Variants in CREB3L2 observed in about 807,000 individuals in gnomAD.
CREB3L2 encodes cyclic AMP-responsive element-binding protein 3-like protein 2.
In CREB3L2, 23 loss-of-function variants were observed where a neutral mutation model predicts 57.2. The ratio of observed to expected loss-of-function variants is 0.40; its 90% CI spans 0.29 to 0.57. CREB3L2 has a LOEUF of 0.57. Ranked by LOEUF, CREB3L2 falls within the 20% of genes least tolerant of loss-of-function variation. CREB3L2 has a pLI of 0.42. For synonymous variants in CREB3L2, 268 were observed against 265.1 expected, an observed-to-expected ratio of 1.01 and a Z score of -0.11; for missense variants, 628 against 634.7, an observed-to-expected ratio of 0.99 and a Z score of 0.11.
chr7:137,956,785 GAGTT>G, intron 1 of CREB3L2: 1 of 447,452 alleles, frequency 2.2e-6, no homozygotes, highest in Non-Finnish European at 4.2e-6. Context: ...CCACCTAAAA[GAGTT>G]AGACCATTCA....
chr7:137,887,646 T>C (rs182348551), intron 8 of CREB3L2, among the ~76,000 whole-genome samples: 106 of 151,982 alleles, frequency 7.0e-4, no homozygotes, highest in Non-Finnish European at 1.2e-3. Context: ...GAGGCAGAGG[T>C]TGTAGTAAGC....
At chr7:137,899,383 T>C (rs1177553468) in intron 8 of CREB3L2, among the ~76,000 whole-genome samples, 1 of 152,074 alleles carries the variant, frequency 6.6e-6, no homozygotes, top group South Asian at 2.1e-4. Flanking sequence ...CTTCCCCTTT[T>C]CGCCAATTCT....
chr7:137,934,794 A>C (rs903112023), intron 1 of CREB3L2, among the ~76,000 whole-genome samples: 11 of 152,254 alleles, frequency 7.2e-5, no homozygotes, highest in Admixed American at 7.2e-4. Flanking sequence ...AAAGGATTCA[A>C]GCAACATCAC....
chr7:137,943,987 A>G (rs898826618), intron 1 of CREB3L2, among the ~76,000 whole-genome samples: 1 of 152,132 alleles, frequency 6.6e-6, no homozygotes, highest in Non-Finnish European at 1.5e-5. Flanking sequence ...CTGTGTCAAA[A>G]ACTTCTCTTC....
At chr7:137,986,300 C>T (rs1236380428) in intron 1 of CREB3L2, among the ~76,000 whole-genome samples, 5 of 152,202 alleles carry the variant, frequency 3.3e-5, no homozygotes, top group Non-Finnish European at 7.3e-5. Flanking sequence ...ACGGTGTTTC[C>T]ATTTTGTTAG....
chr7:137,955,540 A>G (rs544690085), intron 1 of CREB3L2, among the ~76,000 whole-genome samples: 12 of 152,224 alleles, frequency 7.9e-5, no homozygotes, highest in Admixed American at 2.6e-4. Flanking sequence ...TCTAATTGGA[A>G]GATAATCTGA....
intron 1 of CREB3L2, among the ~76,000 whole-genome samples, chr7:137,933,013 G>A (rs1270537820): frequency 6.6e-6 from 1 of 152,146 alleles, no homozygotes; most frequent in Non-Finnish European, 1.5e-5. Context: ...CACACTCTGG[G>A]CAGCAAGGAG....
rs554088482 is a variant in CREB3L2 at position 137,922,221 on chromosome 7, A to T, written c.319+5929T>A. Among the ~76,000 whole-genome samples, 52 of 150,958 alleles carry T rather than the reference A, an allele frequency of 3.4e-4. 1 individual carries two copies. The highest frequency in any genetic ancestry group is 1.1e-3 in the African/African-American group (47 of 41,020). ...CCATTCAGCCACTTTTCCTTTAAATACTCAAGTCCTCAAAGTCATCTTTGG... is the reference window on the plus strand; with the variant it reads ...CCATTCAGCCACTTTTCCTTTAAATTCTCAAGTCCTCAAAGTCATCTTTGG... On this transcript the variant is annotated intron_variant, in intron 2 of 11. Transcript: ENST00000330387.
rs553596345 is a variant in CREB3L2, at chr7:137,927,403, GAAGGGA to G, written c.319+741_319+746del. On this transcript the variant is annotated intron_variant, in intron 2 of 11. Transcript: ENST00000330387. ...GAAGGAAGGGAGGGAAGGAGGGAAGGAAGGGAAGGGAAGGGAAGCAAGGGAGGGAGG... is the reference window on the plus strand; with the variant it reads ...GAAGGAAGGGAGGGAAGGAGGGAAGGAGGGAAGGGAAGCAAGGGAGGGAGG... Among the ~76,000 whole-genome samples, 442 of 128,898 alleles carry G rather than the reference GAAGGGA, an allele frequency of 3.4e-3. 5 individuals are homozygous for G. The highest frequency in any genetic ancestry group is 0.016 in the African/African-American group (418 of 25,424). The allele number at this position is 128,898 out of a possible 152,430, so 84.6% of individuals were successfully genotyped here.
At chr7:137,913,511 AAAAAAAAAAAGAAAAAAG>A (rs906617357) in intron 3 of CREB3L2, among the ~76,000 whole-genome samples, 5 of 151,502 alleles carry the variant, frequency 3.3e-5, no homozygotes, top group African/African-American at 9.7e-5. Flanking sequence ...TATCTCAAAA[AAAAAAAAAAAGAAAAAAG>A]AAAAAAAAAG....
rs531697398 is a variant in CREB3L2 at position 137,948,745 on chromosome 7, C to G, written c.103-20379G>C. Among the ~76,000 whole-genome samples, 3 of 152,140 alleles carry G rather than the reference C, an allele frequency of 2.0e-5. No individual in the cohort carries two copies. The East Asian group carries it at 5.8e-4, about 29-fold the overall frequency. On this transcript the variant is annotated intron_variant, in intron 1 of 11. Transcript: ENST00000330387. ...TAACTGAAGAATAGCCTCATGAAAA[C>G]GAATTGACCATTCCTATCCAGTTAT...
Position 137,876,551 on chromosome 7 carries a change from A to G in CREB3L2, c.*3925T>C, listed in dbSNP as rs951675126. 2 of 232,996 alleles carry G rather than the reference A, an allele frequency of 8.6e-6. No homozygotes were observed. The highest frequency in any genetic ancestry group is 1.7e-5 in the Non-Finnish European group (2 of 118,038). The allele number at this position is 232,996 out of a possible 1,614,324, so 14.4% of individuals were successfully genotyped here. ...AGTGAGTGAATGAACGAAACATCTAAGTCTTGTCTCTGGATCCTTCACAGC... is the reference window on the plus strand; with the variant it reads ...AGTGAGTGAATGAACGAAACATCTAGGTCTTGTCTCTGGATCCTTCACAGC... On this transcript the variant is annotated 3_prime_UTR_variant, in exon 12 of 12. Transcript: ENST00000330387.
At chr7:137,905,354 T>C (rs1488479976) in intron 6 of CREB3L2, among the ~76,000 whole-genome samples, 1 of 148,564 alleles carries the variant, frequency 6.7e-6, no homozygotes, top group East Asian at 2.0e-4. Flanking sequence ...GAGGAAACTA[T>C]TGTATATATC....
rs113525082 is a variant in CREB3L2 at position 137,877,275 on chromosome 7, C to A, written c.*3201G>T. 6,663 of 225,798 alleles carry A rather than the reference C, an allele frequency of 0.03. 113 individuals are homozygous for A. The highest frequency in any genetic ancestry group is 0.038 in the Non-Finnish European group (4,340 of 113,370). 14.0% of individuals were successfully genotyped at this position (225,798 alleles called of 1,614,324 possible). Reference sequence around the variant, plus strand: ...ACAAATTAGGCCTCCAAATCAAAATCATTTATATTAACCAAAAGGTTATCT... The same window carrying A: ...ACAAATTAGGCCTCCAAATCAAAATAATTTATATTAACCAAAAGGTTATCT... On this transcript the variant is annotated 3_prime_UTR_variant, in exon 12 of 12. Coordinates refer to ENST00000330387, the MANE Select transcript of CREB3L2 (RefSeq NM_194071.4).
At chr7:137,895,152 G>A (rs1799601928) in intron 8 of CREB3L2, among the ~76,000 whole-genome samples, 1 of 152,168 alleles carries the variant, frequency 6.6e-6, no homozygotes, top group South Asian at 2.1e-4. Flanking sequence ...CTAATGGGCC[G>A]GGCAGTGTAT....
At chr7:137,901,616 C>T (rs1799759914) in intron 7 of CREB3L2, among the ~76,000 whole-genome samples, 194 bp from the exon 8 acceptor site, 1 of 151,184 alleles carries the variant, frequency 6.6e-6, no homozygotes, top group Admixed American at 6.6e-5. Context: ...CACGGTGGCT[C>T]ACGCCTGTAA....
chr7:137,943,139 T>C (rs1198102253), intron 1 of CREB3L2, among the ~76,000 whole-genome samples: 8 of 152,112 alleles, frequency 5.3e-5, no homozygotes, highest in Non-Finnish European at 2.9e-5. Context: ...GGGTCTCTTT[T>C]GTTAGGAAAT....
intron 1 of CREB3L2, among the ~76,000 whole-genome samples, chr7:137,959,787 C>T (rs1801286715): frequency 6.6e-6 from 1 of 152,164 alleles, no homozygotes; most frequent in Non-Finnish European, 1.5e-5. Context: ...AAACTGCATC[C>T]TTTGCCATCC....
chr7:137,960,527 A>T (rs1289221751), intron 1 of CREB3L2, among the ~76,000 whole-genome samples: 1 of 152,206 alleles, frequency 6.6e-6, no homozygotes, highest in African/African-American at 2.4e-5. Flanking sequence ...TCCAAGGCTT[A>T]GAGAGAGAAT....
Sources: allele counts gnomAD v4.1 joint callset (sites outside exome capture counted in the v4.1 genomes callset), GRCh38; gene constraint gnomAD v4.1.1; transcripts MANE v1.5; gene names NCBI Gene and HGNC (gene_info 2026-07-23, HGNC 2026-07-21).